ACACA: variants seen among roughly 807,000 people sequenced by gnomAD.
The protein encoded by ACACA is acetyl-CoA carboxylase 1.
A neutral mutation model predicts 296.1 loss-of-function variants in ACACA; 103 were observed. The observed-to-expected ratio is 0.35, with a 90% CI of 0.30 to 0.41. The LOEUF is 0.41. ACACA is among the 10% of genes least tolerant of loss of function. ACACA has a pLI of 1.00. For missense variants in ACACA, 1,554 were observed against 2,989.7 expected (o/e 0.52, Z 11.20); for synonymous variants, 953 against 1,038.6 (o/e 0.92, Z 1.58).
intron 33 of ACACA, among the ~76,000 whole-genome samples, chr17:37,205,370 G>T (rs546495002): frequency 2.0e-5 from 3 of 152,090 alleles, no homozygotes; most frequent in Non-Finnish European, 2.9e-5. Context: ...TTGAAAGGAG[G>T]ATAGATGTAT....
Position 37,208,098 on chromosome 17 carries a change from A to G in ACACA, c.3708-298T>C, listed in dbSNP as rs147303637. Among the ~76,000 whole-genome samples the G allele has an allele frequency of 7.9e-3, 1,202 of 152,300 alleles. 15 individuals are homozygous for G. Among genetic ancestry groups the G allele is most frequent in the African/African-American group, 0.026 (1,081 of 41,562 alleles). ...ACACAATTACATTATAAGATGTCCA[A>G]TGAATGAATAGCACATAGGGGTTAA... On this transcript the variant is annotated intron_variant, in intron 30 of 55. Coordinates refer to ENST00000616317, the MANE Select transcript of ACACA (RefSeq NM_198834.3).
intron 39 of ACACA, among the ~76,000 whole-genome samples, chr17:37,186,896 G>GAA (rs796067755): frequency 3.2e-5 from 4 of 123,996 alleles, no homozygotes; most frequent in African/African-American, 8.9e-5. Context: ...TAAAGGAAAG[G>GAA]AAAAAAAAAA....
chr17:37,179,490 T>C (rs2077240666), intron 40 of ACACA, 84 bp from the exon 41 acceptor site: 1 of 1,478,186 alleles, frequency 6.8e-7, no homozygotes, highest in Admixed American at 1.8e-5. Flanking sequence ...GTCAATCTGG[T>C]TTTGCCTTCT....
chr17:37,117,034 C>T (rs2074291173), intron 50 of ACACA, among the ~76,000 whole-genome samples: 1 of 152,212 alleles, frequency 6.6e-6, no homozygotes. Context: ...GGTGACCACA[C>T]ACAACCTTTG....
chr17:37,237,846 G>C (rs917910706), intron 24 of ACACA, among the ~76,000 whole-genome samples: 1 of 151,990 alleles, frequency 6.6e-6, no homozygotes, highest in Admixed American at 6.6e-5. Context: ...CTACAGCCTC[G>C]ACCTCCCCAG....
At chr17:37,152,651 G>A (rs767405862) in intron 43 of ACACA, among the ~76,000 whole-genome samples, 41 of 152,162 alleles carry the variant, frequency 2.7e-4, no homozygotes, top group African/African-American at 2.4e-5. Flanking sequence ...GGGATTAGGA[G>A]TGATAGCTGA....
chr17:37,381,525 C>T (rs1383714011), intron 1 of ACACA, among the ~76,000 whole-genome samples: 4 of 151,326 alleles, frequency 2.6e-5, no homozygotes, highest in African/African-American at 7.3e-5. Context: ...TCTTATAGGT[C>T]GTTCCATTTC....
At chr17:37,112,598 T>A (rs1305731858) in intron 51 of ACACA, among the ~76,000 whole-genome samples, 1 of 152,134 alleles carries the variant, frequency 6.6e-6, no homozygotes, top group Non-Finnish European at 1.5e-5. Context: ...AAGTACAGAA[T>A]GTAAATAATA....
chr17:37,174,059 C>A, intron 41 of ACACA, among the ~76,000 whole-genome samples: 1 of 91,186 alleles, frequency 1.1e-5, no homozygotes, highest in African/African-American at 4.3e-5. Flanking sequence ...TAGGGTTTTG[C>A]CATGTTGGCC....
At chr17:37,335,431 G>T (rs1363914423) in intron 2 of ACACA, among the ~76,000 whole-genome samples, 1 of 152,100 alleles carries the variant, frequency 6.6e-6, no homozygotes, top group Non-Finnish European at 1.5e-5. Flanking sequence ...CATCAGGTGG[G>T]TAACTCCTCC....
intron 1 of ACACA, among the ~76,000 whole-genome samples, chr17:37,383,219 G>C (rs752821310): frequency 6.6e-6 from 1 of 152,182 alleles, no homozygotes; most frequent in African/African-American, 2.4e-5. Flanking sequence ...AGTGAATATA[G>C]TGCTAGGCAT....
chr17:37,348,760 G>A (rs1334943940), intron 1 of ACACA, among the ~76,000 whole-genome samples: 5 of 151,752 alleles, frequency 3.3e-5, no homozygotes, highest in Non-Finnish European at 7.4e-5. Context: ...AGGAGATTGA[G>A]ACCACGGTGA....
At chr17:37,241,858 A>T in intron 23 of ACACA, 95 bp downstream of exon 23, 1 of 936,546 alleles carries the variant, frequency 1.1e-6, no homozygotes, top group Non-Finnish European at 1.7e-6. Flanking sequence ...CAATTTCTTG[A>T]AGTCAAATCT....
chr17:37,235,583 T>G (rs914199339), intron 24 of ACACA, among the ~76,000 whole-genome samples: 3 of 152,192 alleles, frequency 2.0e-5, no homozygotes, highest in African/African-American at 7.2e-5. Context: ...GATTCCATGT[T>G]TGACTTGCAG....
At chr17:37,219,125 G>T (rs910659242) in intron 29 of ACACA, among the ~76,000 whole-genome samples, 2 of 152,152 alleles carry the variant, frequency 1.3e-5, no homozygotes, top group Non-Finnish European at 1.5e-5. Flanking sequence ...CCTCTGGGAG[G>T]GGAGATTGAG....
In ACACA at chr17:37,200,184, C is replaced by T; in HGVS notation, c.4114-1G>A. On this transcript the variant is annotated splice_acceptor_variant, in intron 34 of 55. Transcript: ENST00000616317. LOFTEE classifies it high-confidence loss of function. ...CATAGTTGACCTGCTTTCTGAAATC[C>T]TTTCAAATAAAAGAGAGAAAGGAAG... 6.2e-7 allele frequency: 1 copy of T among 1,607,256 alleles called. No homozygotes were observed. The highest frequency in any genetic ancestry group is 8.5e-7 in the Non-Finnish European group (1 of 1,174,022).
chr17:37,167,591 T>G (rs930732281), intron 41 of ACACA, among the ~76,000 whole-genome samples: 1 of 150,560 alleles, frequency 6.6e-6, no homozygotes, highest in Admixed American at 6.7e-5. Context: ...AGTGCTGGGA[T>G]AGCAGGCACG....
At chr17:37,114,531 T>TAAA (rs60963286) in intron 50 of ACACA, among the ~76,000 whole-genome samples, 8 of 122,818 alleles carry the variant, frequency 6.5e-5, no homozygotes, top group East Asian at 2.3e-4. Flanking sequence ...GCCCTGCCTT[T>TAAA]AAAAAAAAAA....
intron 2 of ACACA, among the ~76,000 whole-genome samples, chr17:37,330,858 C>T (rs1019286313): frequency 1.3e-5 from 2 of 152,124 alleles, no homozygotes; most frequent in Admixed American, 6.6e-5. Flanking sequence ...ATTTAAACTA[C>T]ATAATGCTCA....
Sources: gnomAD v4.1 joint callset for allele counts (sites outside exome capture counted in the v4.1 genomes callset) on GRCh38, gnomAD v4.1.1 for gene constraint, MANE v1.5 for transcripts, NCBI Gene and HGNC (gene_info 2026-07-23, HGNC 2026-07-21) for gene names.